NT5M: variants seen among roughly 807,000 people sequenced by gnomAD.
The protein encoded by NT5M is 5',3'-nucleotidase, mitochondrial, also known as 5'(3')-deoxyribonucleotidase, mitochondrial.
Under a neutral mutation model 22.2 loss-of-function variants are expected in NT5M, and 22 were observed. The observed-to-expected ratio is 0.99, with a 90% CI of 0.71 to 1.41. NT5M has a LOEUF of 1.41. Ranked by LOEUF, NT5M falls within the 40% of genes most tolerant of loss-of-function variation. NT5M has a pLI of 0.00. For synonymous variants in NT5M, 167 were observed against 133.0 expected (o/e 1.26, Z -1.76); for missense variants, 322 against 314.8 (o/e 1.02, Z -0.17).
intron 3 of NT5M, among the ~76,000 whole-genome samples, chr17:17,331,998 T>G (rs912121798): frequency 1.1e-4 from 17 of 148,676 alleles, no homozygotes; most frequent in African/African-American, 4.2e-4. Flanking sequence ...GCCAGGATGG[T>G]CTTGATTTCC....
At chr17:17,342,534 C>G (rs1187942385) in intron 3 of NT5M, among the ~76,000 whole-genome samples, 1 of 152,156 alleles carries the variant, frequency 6.6e-6, no homozygotes, top group African/African-American at 2.4e-5. Context: ...GCATTGGTCA[C>G]AATGCAGTGG....
At chr17:17,336,871 C>T (rs1025533925) in intron 3 of NT5M, among the ~76,000 whole-genome samples, 7 of 152,024 alleles carry the variant, frequency 4.6e-5, no homozygotes, top group African/African-American at 1.7e-4. Context: ...GTATATTTAC[C>T]ACATTTTTTA....
intron 2 of NT5M, among the ~76,000 whole-genome samples, chr17:17,312,594 A>C (rs1407803806): frequency 6.7e-6 from 1 of 148,608 alleles, no homozygotes; most frequent in Non-Finnish European, 1.5e-5. Flanking sequence ...CGGTGAGCCA[A>C]GATTGCGCCA....
At chr17:17,328,038 A>G (rs1207029346) in intron 3 of NT5M, among the ~76,000 whole-genome samples, 1 of 152,210 alleles carries the variant, frequency 6.6e-6, no homozygotes, top group Non-Finnish European at 1.5e-5. Context: ...AAGAAATACA[A>G]TTCCTGGGTC....
At chr17:17,320,849 G>A (rs2049137020) in intron 2 of NT5M, among the ~76,000 whole-genome samples, 1 of 152,078 alleles carries the variant, frequency 6.6e-6, no homozygotes, top group African/African-American at 2.4e-5. Context: ...AGGAGAGCTG[G>A]CGTGGCCAGC....
chr17:17,331,409 C>G (rs7223473), intron 3 of NT5M, among the ~76,000 whole-genome samples: 4 of 151,520 alleles, frequency 2.6e-5, no homozygotes, highest in Admixed American at 2.6e-4. Flanking sequence ...CACTAAAGAC[C>G]ATTGAATTGT....
At chr17:17,313,876 G>A (rs1030680106) in intron 2 of NT5M, among the ~76,000 whole-genome samples, 1 of 152,086 alleles carries the variant, frequency 6.6e-6, no homozygotes. Flanking sequence ...GACGCCCAGG[G>A]GACTCTCCTG....
intron 2 of NT5M, among the ~76,000 whole-genome samples, chr17:17,307,822 C>T (rs1009701354): frequency 1.1e-4 from 16 of 152,046 alleles, no homozygotes; most frequent in South Asian, 8.3e-4. Flanking sequence ...CGCGCCACTA[C>T]ACTCTAGCCT....
chr17:17,317,852 C>T (rs925402749), intron 2 of NT5M, among the ~76,000 whole-genome samples: 5 of 149,064 alleles, frequency 3.4e-5, no homozygotes, highest in African/African-American at 1.2e-4. Flanking sequence ...AATCCCAGCT[C>T]TTGGGAGACT....
intron 3 of NT5M, among the ~76,000 whole-genome samples, chr17:17,326,414 A>G (rs2049267276): frequency 6.6e-6 from 1 of 152,184 alleles, no homozygotes; most frequent in Non-Finnish European, 1.5e-5. Context: ...ATTTAAGAGG[A>G]AAGGGATGTC....
chr17:17,331,921 C>CCATGT, intron 3 of NT5M, among the ~76,000 whole-genome samples: 1 of 151,340 alleles, frequency 6.6e-6, no homozygotes, highest in Non-Finnish European at 1.5e-5. Context: ...GCTGGGACTA[C>CCATGT]AGGCGCCCAC....
intron 3 of NT5M, among the ~76,000 whole-genome samples, chr17:17,326,343 C>T (rs1454938925): frequency 2.0e-5 from 3 of 152,186 alleles, no homozygotes; most frequent in Non-Finnish European, 4.4e-5. Flanking sequence ...CTGTGCCCAC[C>T]GCCAGTGTGT....
At chr17:17,343,240 C>A (rs1249725304) in intron 3 of NT5M, among the ~76,000 whole-genome samples, 1 of 152,070 alleles carries the variant, frequency 6.6e-6, no homozygotes, top group Non-Finnish European at 1.5e-5. Flanking sequence ...GGGCCCTGTG[C>A]ATATGTGTGT....
At chr17:17,337,458 C>G (rs1158674940) in intron 3 of NT5M, among the ~76,000 whole-genome samples, 1 of 149,586 alleles carries the variant, frequency 6.7e-6, no homozygotes, top group Admixed American at 6.8e-5. Flanking sequence ...GACTGGTGTA[C>G]AAGTGGTTTA....
intron 2 of NT5M, among the ~76,000 whole-genome samples, chr17:17,309,239 C>T (rs2048874344): frequency 1.3e-5 from 2 of 151,574 alleles, no homozygotes; most frequent in South Asian, 2.1e-4. Flanking sequence ...GATCCTCCTG[C>T]GTCAGCCTCT....
chr17:17,317,947 G>A (rs1209660975), intron 2 of NT5M, among the ~76,000 whole-genome samples: 1 of 135,438 alleles, frequency 7.4e-6, no homozygotes, highest in Non-Finnish European at 1.6e-5. Flanking sequence ...AGGTGACAGA[G>A]TGAGACTCCA....
intron 3 of NT5M, among the ~76,000 whole-genome samples, chr17:17,324,250 G>A (rs910965019): frequency 5.3e-5 from 8 of 151,272 alleles, no homozygotes; most frequent in African/African-American, 1.7e-4. Context: ...CTGGGAGGCC[G>A]ATGCAGGTGG....
chr17:17,343,223 A>G (rs946165399), intron 3 of NT5M, among the ~76,000 whole-genome samples: 1 of 152,170 alleles, frequency 6.6e-6, no homozygotes, highest in Non-Finnish European at 1.5e-5. Context: ...TCACTGGGCT[A>G]GGAGAAGGGC....
chr17:17,344,735 G>A, intron 3 of NT5M, 59 bp from the exon 4 acceptor site: 1 of 1,588,468 alleles, frequency 6.3e-7, no homozygotes, highest in Non-Finnish European at 8.6e-7. Context: ...GCTCTTGGTT[G>A]GCTCCCAGGT....
Sources: gnomAD v4.1 joint callset for allele counts (sites outside exome capture counted in the v4.1 genomes callset) on GRCh38, gnomAD v4.1.1 for gene constraint, MANE v1.5 for transcripts, NCBI Gene and HGNC (gene_info 2026-07-23, HGNC 2026-07-21) for gene names.